Variants in CNTNAP2 observed in about 807,000 individuals in gnomAD.
CNTNAP2 encodes the protein contactin associated protein 2.
Under a neutral mutation model 155.2 loss-of-function variants are expected in CNTNAP2, and 98 were observed. The observed-to-expected ratio is 0.63, with a 90% confidence interval of 0.54 to 0.75. The LOEUF (loss-of-function observed/expected upper bound fraction) is 0.75, where lower values mean the gene tolerates loss of function less well. CNTNAP2 is among the 30% of genes least tolerant of loss of function. The pLI is 0.00. For synonymous variants in CNTNAP2, 651 were observed against 631.2 expected (o/e 1.03, Z -0.47); for missense variants, 1,727 against 1,688.1 (o/e 1.02, Z -0.40).
intron 1 of CNTNAP2, among the ~76,000 whole-genome samples, chr7:146,179,732 T>C (rs1414014926): frequency 1.3e-5 from 2 of 152,106 alleles, no homozygotes; most frequent in Admixed American, 6.6e-5. Flanking sequence ...TATTTCAAAA[T>C]TGGGGGATAA....
intron 8 of CNTNAP2, among the ~76,000 whole-genome samples, chr7:147,183,641 C>T (rs75194255): frequency 0.051 from 7,788 of 152,078 alleles, 624 homozygotes; most frequent in African/African-American, 0.17. Context: ...AGCACTAATC[C>T]CCTATTCCCT....
At chr7:147,775,228 A>AAT (rs111749761) in intron 13 of CNTNAP2, among the ~76,000 whole-genome samples, 7 of 110,604 alleles carry the variant, frequency 6.3e-5, no homozygotes, top group Non-Finnish European at 1.2e-4. Context: ...ATACAAAAGA[A>AAT]ATATATATAT....
At chr7:147,240,076 T>C (rs1803903032) in intron 8 of CNTNAP2, among the ~76,000 whole-genome samples, 9 of 152,224 alleles carry the variant, frequency 5.9e-5, no homozygotes, top group Admixed American at 5.9e-4. Context: ...AAACTTTTTA[T>C]GCCTCATTTT....
chr7:146,301,927 C>G (rs2129088495), intron 1 of CNTNAP2, among the ~76,000 whole-genome samples: 1 of 152,220 alleles, frequency 6.6e-6, no homozygotes, highest in East Asian at 1.9e-4. Context: ...GTTCCACCTC[C>G]CTCCTCATTT....
At chr7:146,637,970 A>G (rs570632365) in intron 1 of CNTNAP2, among the ~76,000 whole-genome samples, 2 of 152,356 alleles carry the variant, frequency 1.3e-5, no homozygotes, top group South Asian at 4.1e-4. Flanking sequence ...GTCCATAACC[A>G]TGTGATCACA....
At chr7:147,789,052 G>T (rs1202670047) in intron 13 of CNTNAP2, among the ~76,000 whole-genome samples, 1 of 151,564 alleles carries the variant, frequency 6.6e-6, no homozygotes, top group African/African-American at 2.4e-5. Flanking sequence ...TTACAGGCAT[G>T]CATCACCATG....
chr7:146,196,564 G>GGAGA lies in CNTNAP2; in HGVS notation c.97+79606_97+79609dup, dbSNP rs148762442. On this transcript the variant is annotated intron_variant, in intron 1 of 23. Coordinates refer to ENST00000361727, the MANE Select transcript of CNTNAP2 (RefSeq NM_014141.6). ...AGTCAGAGGGAAAGGAGGGAGGGAGGGAGAGAGAGAGAGAGAGAAAGAGAG... is the reference window on the plus strand; with the variant it reads ...AGTCAGAGGGAAAGGAGGGAGGGAGGGAGAGAGAGAGAGAGAGAGAGAAAGAGAG... Among the ~76,000 whole-genome samples the GGAGA allele has an allele frequency of 1.2e-4, 17 of 147,430 alleles. No homozygotes were observed. The South Asian group carries it at 1.5e-3, about 13-fold the overall frequency.
chr7:147,890,844 A>G (rs150123566), intron 13 of CNTNAP2, among the ~76,000 whole-genome samples: 1 of 152,206 alleles, frequency 6.6e-6, no homozygotes, highest in Non-Finnish European at 1.5e-5. Flanking sequence ...ATAAAATTTT[A>G]GTTAGATAGG....
At chr7:147,002,944 C>CAAAA (rs773401142) in intron 3 of CNTNAP2, among the ~76,000 whole-genome samples, 70 of 52,740 alleles carry the variant, frequency 1.3e-3, no homozygotes, top group South Asian at 1.7e-3. Flanking sequence ...ATGTTCCTTC[C>CAAAA]AAAAAAAAAA....
chr7:147,219,174 C>T (rs1803339480), intron 8 of CNTNAP2, among the ~76,000 whole-genome samples: 2 of 152,082 alleles, frequency 1.3e-5, no homozygotes, highest in Non-Finnish European at 1.5e-5. Context: ...TGAACTCACT[C>T]CCTGTATTAG....
At chr7:146,246,814 G>A (rs765804487) in intron 1 of CNTNAP2, among the ~76,000 whole-genome samples, 19 of 152,198 alleles carry the variant, frequency 1.2e-4, no homozygotes, top group Non-Finnish European at 2.5e-4. Flanking sequence ...GCATTCCTTG[G>A]CCTGGTGGCC....
At chr7:146,775,895 T>C (rs1184706544) in intron 2 of CNTNAP2, among the ~76,000 whole-genome samples, 1 of 151,996 alleles carries the variant, frequency 6.6e-6, no homozygotes, top group African/African-American at 2.4e-5. Flanking sequence ...ATAACAAAAA[T>C]GCAGTTTTAA....
intron 10 of CNTNAP2, among the ~76,000 whole-genome samples, chr7:147,473,325 G>C (rs10236864): frequency 0.78 from 118,550 of 152,076 alleles, 46,569 homozygotes; most frequent in African/African-American, 0.87. Context: ...ATTGAGAGAA[G>C]TAATGCAGAA....
intron 14 of CNTNAP2, among the ~76,000 whole-genome samples, chr7:147,919,866 C>A (rs555270613): frequency 6.6e-6 from 1 of 151,774 alleles, no homozygotes; most frequent in African/African-American, 2.4e-5. Flanking sequence ...GGATTATAGG[C>A]ATGAGCCACC....
At chr7:147,660,500 G>T (rs1795593150) in intron 13 of CNTNAP2, among the ~76,000 whole-genome samples, 1 of 152,176 alleles carries the variant, frequency 6.6e-6, no homozygotes, top group African/African-American at 2.4e-5. Context: ...TCTGACACCA[G>T]ATGCATTGGA....
At chr7:147,422,792 A>C (rs1797316902) in intron 10 of CNTNAP2, among the ~76,000 whole-genome samples, 1 of 152,198 alleles carries the variant, frequency 6.6e-6, no homozygotes, top group South Asian at 2.1e-4. Context: ...TTATATTTGT[A>C]GTAAATGTAG....
chr7:147,132,166 C>G, intron 7 of CNTNAP2, 79 bp from the exon 8 acceptor site: 1 of 1,574,044 alleles, frequency 6.4e-7, no homozygotes, highest in Non-Finnish European at 8.7e-7. Flanking sequence ...ACTTGTAGAA[C>G]TATACTTTCA....
intron 15 of CNTNAP2, among the ~76,000 whole-genome samples, chr7:148,009,589 T>C (rs2116903480): frequency 6.6e-6 from 1 of 152,294 alleles, no homozygotes; most frequent in South Asian, 2.1e-4. Flanking sequence ...CTGAAATTTA[T>C]GCATATTAAA....
At chr7:148,263,649 A>C (rs1796602448) in intron 20 of CNTNAP2, among the ~76,000 whole-genome samples, 1 of 151,608 alleles carries the variant, frequency 6.6e-6, no homozygotes, top group Non-Finnish European at 1.5e-5. Flanking sequence ...AGGCAGGAGA[A>C]TGGCGTGAAC....
Sources: allele counts gnomAD v4.1 joint callset (sites outside exome capture counted in the v4.1 genomes callset), GRCh38; gene constraint gnomAD v4.1.1; transcripts MANE v1.5; gene names NCBI Gene and HGNC (gene_info 2026-07-23, HGNC 2026-07-21).